NRG4: variants seen among roughly 807,000 people sequenced by gnomAD.
NRG4 encodes the protein neuregulin 4, also known as pro-neuregulin-4, membrane-bound isoform.
NRG4 carries 10 observed loss-of-function variants against 15.0 expected under a neutral mutation model. The observed-to-expected ratio is 0.67, with a 90% confidence interval of 0.41 to 1.13. The LOEUF (loss-of-function observed/expected upper bound fraction) is 1.13. NRG4 is among the 50% of genes most tolerant of loss of function. The probability of loss-of-function intolerance (pLI) is 0.00; values close to 1 mark genes in which losing one functional copy is unlikely to be tolerated. For missense variants in NRG4, 139 were observed against 140.2 expected (o/e 0.99, Z 0.04); for synonymous variants, 41 against 50.1 (o/e 0.82, Z 0.77).
At chr15:76,000,927 A>G (rs748662507) in intron 3 of NRG4, among the ~76,000 whole-genome samples, 12 of 152,212 alleles carry the variant, frequency 7.9e-5, no homozygotes, top group Non-Finnish European at 1.5e-4. Context: ...AATACAGGAT[A>G]GTACATATAG....
upstream of NRG4, among the ~76,000 whole-genome samples, chr15:76,016,407 T>C (rs1282163094): frequency 6.6e-6 from 1 of 152,216 alleles, no homozygotes. Flanking sequence ...CTTGCTCCTC[T>C]AGTTCTTTTA....
intron 5 of NRG4, among the ~76,000 whole-genome samples, chr15:75,945,336 C>G (rs1013380938): frequency 1.3e-5 from 2 of 151,462 alleles, no homozygotes; most frequent in African/African-American, 4.9e-5. Flanking sequence ...TCACTGCAAC[C>G]TCCGCTCGGG....
intron 3 of NRG4, among the ~76,000 whole-genome samples, chr15:76,005,383 TAAA>T (rs71140191): frequency 6.6e-5 from 8 of 120,966 alleles, no homozygotes; most frequent in African/African-American, 9.2e-5. Flanking sequence ...CTCCGTCTCT[TAAA>T]AAAAAAAAAA....
intron 4 of NRG4, among the ~76,000 whole-genome samples, chr15:76,037,179 C>G (rs944096902): frequency 3.3e-5 from 5 of 152,070 alleles, no homozygotes; most frequent in Admixed American, 6.6e-5. Flanking sequence ...ATCATCCCCC[C>G]TGCAGGAACA....
intron 4 of NRG4, among the ~76,000 whole-genome samples, chr15:76,045,323 A>C (rs2035844492): frequency 6.6e-6 from 1 of 150,980 alleles, no homozygotes; most frequent in Non-Finnish European, 1.5e-5. Context: ...AAAGGGAAAC[A>C]CTCACATACT....
At position 75,999,864 on chromosome 15, in the gene NRG4, A is replaced by G. The variant is rs187269304; in HGVS notation, c.104+9336T>C. Reference sequence around the variant, plus strand: ...CAGTATGGGTAACATAGTAAGACCTAAAAATAAAAAAATTAGCTGGGCACA... The same window carrying G: ...CAGTATGGGTAACATAGTAAGACCTGAAAATAAAAAAATTAGCTGGGCACA... On this transcript the variant is annotated intron_variant, in intron 3 of 5. Coordinates refer to ENST00000394907, the MANE Select transcript of NRG4 (RefSeq NM_138573.4). 6.7e-4 allele frequency among the ~76,000 whole-genome samples: 102 copies of G among 152,254 alleles called. 1 individual carries two copies. The highest frequency in any genetic ancestry group is 2.3e-3 in the African/African-American group (95 of 41,540).
rs1476767697 is a variant in NRG4, at chr15:76,047,485, C to G, written c.-105+4582G>C. On this transcript the variant is annotated intron_variant, in intron 4 of 8. Transcript: ENST00000563910. ...GTCATTTGCAGCAACATAGATGAAT[C>G]TGGAGGCCAATTATGTCAAGCAAAA... Among the ~76,000 whole-genome samples, 2 of 150,746 alleles carry G rather than the reference C, an allele frequency of 1.3e-5. 1 individual carries two copies. Among genetic ancestry groups the G allele is most frequent in the African/African-American group, 5.0e-5 (2 of 40,324 alleles).
intron 4 of NRG4, among the ~76,000 whole-genome samples, chr15:76,045,325 T>A (rs2035844752): frequency 6.6e-6 from 1 of 150,978 alleles, no homozygotes; most frequent in African/African-American, 2.5e-5. Flanking sequence ...AGGGAAACAC[T>A]CACATACTGT....
chr15:75,944,619 A>T (rs1279779153), intron 5 of NRG4, among the ~76,000 whole-genome samples: 1 of 152,210 alleles, frequency 6.6e-6, no homozygotes, highest in Non-Finnish European at 1.5e-5. Flanking sequence ...TAAAAATATA[A>T]TGTACCTTTA....
intron 1 of NRG4, among the ~76,000 whole-genome samples, chr15:76,058,024 T>C (rs1596072360): frequency 6.6e-6 from 1 of 151,986 alleles, no homozygotes; most frequent in African/African-American, 2.4e-5. Context: ...ACTCTGAGAG[T>C]TAATTAGCGT....
chr15:75,949,767 A>AGGGTC (rs1342818776), intron 5 of NRG4, among the ~76,000 whole-genome samples: 1 of 152,118 alleles, frequency 6.6e-6, no homozygotes, highest in Non-Finnish European at 1.5e-5. Flanking sequence ...TGCATGGTAA[A>AGGGTC]GGGTCTGAAT....
At chr15:76,013,588 C>T (rs927575708), upstream of NRG4, among the ~76,000 whole-genome samples, 12 of 151,982 alleles carry the variant, frequency 7.9e-5, no homozygotes, top group African/African-American at 2.7e-4. Context: ...TGAGAACATG[C>T]GGTGTTTGGT....
chr15:76,053,438 T>G (rs1273633926), intron 2 of NRG4: 1 of 151,090 alleles, frequency 6.6e-6, no homozygotes, highest in Admixed American at 6.6e-5. Context: ...TTAGTATATA[T>G]AAAGCACATA....
intron 3 of NRG4, among the ~76,000 whole-genome samples, chr15:75,964,818 C>T (rs1161238566): frequency 6.6e-6 from 1 of 152,032 alleles, no homozygotes; most frequent in Non-Finnish European, 1.5e-5. Flanking sequence ...CACAACTACT[C>T]AGGAGGCTGA....
intron 4 of NRG4, among the ~76,000 whole-genome samples, chr15:75,958,173 C>T (rs1051639125): frequency 1.5e-4 from 23 of 151,952 alleles, no homozygotes; most frequent in Admixed American, 9.2e-4. Flanking sequence ...CCACCATGCC[C>T]GGCTAATTTT....
chr15:76,007,912 T>C (rs1041801591), intron 3 of NRG4, among the ~76,000 whole-genome samples: 1 of 152,210 alleles, frequency 6.6e-6, no homozygotes, highest in Non-Finnish European at 1.5e-5. Flanking sequence ...AATTTCTCAT[T>C]TTCCCCTTTT....
intron 4 of NRG4, among the ~76,000 whole-genome samples, chr15:76,050,691 G>T (rs1006510625): frequency 2.1e-5 from 3 of 141,498 alleles, no homozygotes; most frequent in Non-Finnish European, 4.5e-5. Flanking sequence ...TGATCTGCCC[G>T]CCTTGGCCTC....
At chr15:76,015,292 G>C (rs1021586984), upstream of NRG4, among the ~76,000 whole-genome samples, 1 of 152,190 alleles carries the variant, frequency 6.6e-6, no homozygotes, top group African/African-American at 2.4e-5. Flanking sequence ...TGCAAACAGA[G>C]ACAATTTGAC....
Position 75,941,811 on chromosome 15 carries a change from A to G in NRG4, c.*1827T>C, listed in dbSNP as rs1175975010. On this transcript the variant is annotated 3_prime_UTR_variant, in exon 6 of 6. Coordinates refer to ENST00000394907, the MANE Select transcript of NRG4 (RefSeq NM_138573.4). ...ACAGAGATTAGTGTGGGATCATGAAAAAGTTCCGGAGGTGCATAGTGGTGA... is the reference window on the plus strand; with the variant it reads ...ACAGAGATTAGTGTGGGATCATGAAGAAGTTCCGGAGGTGCATAGTGGTGA... 1 of 152,054 alleles carries G rather than the reference A, an allele frequency of 6.6e-6. No individual in the cohort carries two copies. Among genetic ancestry groups the G allele is most frequent in the African/African-American group, 2.4e-5 (1 of 41,376 alleles). 9.4% of individuals were successfully genotyped at this position (152,054 alleles called of 1,614,324 possible). A position where few individuals can be genotyped will look rare whatever the true frequency, so the allele number is the denominator to read the frequency against.
Sources: gnomAD v4.1 joint callset for allele counts (sites outside exome capture counted in the v4.1 genomes callset) on GRCh38, gnomAD v4.1.1 for gene constraint, MANE v1.5 for transcripts, NCBI Gene and HGNC (gene_info 2026-07-23, HGNC 2026-07-21) for gene names.